The following LRRC19 variants were observed in gnomAD, a reference collection of about 807,000 sequenced individuals.
LRRC19 encodes leucine-rich repeat-containing protein 19.
In LRRC19, 33 loss-of-function variants were observed where a neutral mutation model predicts 33.3. The observed-to-expected ratio is 0.99, with a 90% CI of 0.75 to 1.33. LRRC19 has a LOEUF of 1.33. LRRC19 is among the 40% of genes most tolerant of loss of function. The probability of loss-of-function intolerance (pLI) is 0.00; values close to 1 mark genes in which losing one functional copy is unlikely to be tolerated. For missense variants in LRRC19, 463 were observed against 417.3 expected (o/e 1.11, Z -0.95); for synonymous variants, 184 against 152.3 (o/e 1.21, Z -1.53).
Position 26,998,112 on chromosome 9 carries a change from T to A in LRRC19, c.211A>T (p.Thr71Ser). 9 of 1,613,146 alleles carry A rather than the reference T, an allele frequency of 5.6e-6. No homozygotes were observed. Among genetic ancestry groups the A allele is most frequent in the Non-Finnish European group, 7.6e-6 (9 of 1,179,374 alleles). Reference protein sequence around the residue: ...LNGTDTRVLQTYFLLTELYLI... With the variant: ...LNGTDTRVLQSYFLLTELYLI... ...TAGAGCTCTGTGAGTAAAAAGTATG[T>A]CTGTAGAACTCTTGTGTCTGTACCA... Residue 71 changes from threonine (T) to serine (S), a missense_variant, in exon 3 of 5, where the codon ACA (threonine) becomes TCA (serine). Coordinates refer to ENST00000380055, the MANE Select transcript of LRRC19 (RefSeq NM_022901.3).
chr9:26,996,273 A>G (rs2131568102), intron 4 of LRRC19, 38 bp downstream of exon 4: 1 of 1,155,020 alleles, frequency 8.7e-7, no homozygotes, highest in Non-Finnish European at 1.2e-6. Context: ...TTAGTATGAT[A>G]CATTCAGCAG....
intron 1 of LRRC19, among the ~76,000 whole-genome samples, chr9:27,000,441 C>A (rs1211398749): frequency 1.3e-5 from 2 of 152,100 alleles, no homozygotes; most frequent in East Asian, 1.9e-4. Context: ...TTATTCTTGA[C>A]TTAAAACTGT....
chr9:26,996,447 A>G lies in LRRC19; in HGVS notation c.648T>C (p.Asn216=). Residue 216 remains asparagine, a synonymous_variant, in exon 4 of 5, where the codon AAT becomes AAC. Coordinates refer to ENST00000380055, the MANE Select transcript of LRRC19 (RefSeq NM_022901.3). ...CAGCCTTATGAGGTACTGTTTTGATATTGTAGCTCTGCAGGCTGTTGGGGT... is the reference window on the plus strand; with the variant it reads ...CAGCCTTATGAGGTACTGTTTTGATGTTGTAGCTCTGCAGGCTGTTGGGGT... ...CSYPNSLQSY[N]IKTVPHKAEC... 6.4e-7 allele frequency: 1 copy of G among 1,568,184 alleles called. No individual in the cohort carries two copies. The highest frequency in any genetic ancestry group is 8.7e-7 in the Non-Finnish European group (1 of 1,152,682).
intron 1 of LRRC19, among the ~76,000 whole-genome samples, chr9:27,005,113 A>G (rs2131591714): frequency 6.6e-6 from 1 of 152,214 alleles, no homozygotes; most frequent in East Asian, 1.9e-4. Context: ...TTGTTTCCTT[A>G]TTTAACTATT....
Position 26,999,770 on chromosome 9 carries a change from C to CTTT in LRRC19, c.-9-70_-9-68dup, listed in dbSNP as rs1179000269. The CTTT allele has an allele frequency of 1.7e-3, 567 of 339,892 alleles. 2 individuals are homozygous for CTTT. The highest frequency in any genetic ancestry group is 4.9e-3 in the African/African-American group (141 of 28,886). 21.1% of individuals were successfully genotyped at this position (339,892 alleles called of 1,614,324 possible). On this transcript the variant is annotated intron_variant, in intron 1 of 4. Transcript: ENST00000380055. ...TTTCCCTCTTTTGAATCTGTTTATT[C>CTTT]TTTTTTTTTTTTTTTTTTTTTGGCT...
At position 26,993,437 on chromosome 9, in the gene LRRC19, A is replaced by G. The variant is rs978982629; in HGVS notation, c.*2084T>C. On this transcript the variant is annotated 3_prime_UTR_variant, in exon 5 of 5. Transcript: ENST00000380055. The stretch of plus-strand genomic sequence containing the variant: ...TAATATACTTATATCCTTTGTTGAA[A>G]ACATGTGTCTGTAAACACAAGCAAA... 1 of 152,564 alleles carries G rather than the reference A, an allele frequency of 6.6e-6. No individual in the cohort carries two copies. The highest frequency in any genetic ancestry group is 1.5e-5 in the Non-Finnish European group (1 of 68,012). 9.5% of individuals were successfully genotyped at this position (152,564 alleles called of 1,614,324 possible).
In LRRC19 at chr9:26,997,956, G is replaced by C. The variant is rs944683606; in HGVS notation, c.367C>G (p.Leu123Val). Residue 123 changes from leucine (L) to valine (V), a missense_variant, in exon 3 of 5, where the codon CTA becomes GTA. Transcript: ENST00000380055. Reference sequence around the variant, plus strand: ...TTTTGGCAGAGATATAACTGTTTTAGTTTATTTAAGCCTAAAAATGCACCC... The same window carrying C: ...TTTTGGCAGAGATATAACTGTTTTACTTTATTTAAGCCTAAAAATGCACCC... ...QQGAFLGLNK[L>V]KQLYLCQNKI... 9 of 1,613,822 alleles carry C rather than the reference G, an allele frequency of 5.6e-6. No homozygotes were observed. The highest frequency in any genetic ancestry group is 6.8e-6 in the Non-Finnish European group (8 of 1,179,922).
Position 26,993,639 on chromosome 9 carries a change from A to G in LRRC19, c.*1882T>C, listed in dbSNP as rs979497483. 9.8e-5 allele frequency: 15 copies of G among 152,322 alleles called. No homozygotes were observed. Among genetic ancestry groups the G allele is most frequent in the Admixed American group, 2.6e-4 (4 of 15,278 alleles). 9.4% of individuals were successfully genotyped at this position (152,322 alleles called of 1,614,324 possible). A position where few individuals can be genotyped will look rare whatever the true frequency, so the allele number is the denominator to read the frequency against. ...GCCTCTTTTTTCTAAGGAATTGTCA[A>G]GTACATACAAATTTTTAAAACTTTA... On this transcript the variant is annotated 3_prime_UTR_variant, in exon 5 of 5. Transcript: ENST00000380055.
rs749932382 is a variant in LRRC19, at chr9:26,997,966, G to A, written c.357C>T (p.Gly119=). ...IYVIQQGAFL[G]LNKLKQLYLC... is the part of the protein sequence containing the mutation. ...GATATAACTGTTTTAGTTTATTTAA[G>A]CCTAAAAATGCACCCTGTTGAATTA... The change falls in exon 3 of 5, where the codon GGC becomes GGT. Residue 119 remains glycine, a synonymous_variant. Transcript: ENST00000380055. The A allele has an allele frequency of 6.2e-7, 1 of 1,613,808 alleles. No individual in the cohort carries two copies. Among genetic ancestry groups the A allele is most frequent in the South Asian group, 1.1e-5 (1 of 91,044 alleles).
At chr9:27,003,271 C>G (rs746880146) in intron 1 of LRRC19, among the ~76,000 whole-genome samples, 4 of 151,868 alleles carry the variant, frequency 2.6e-5, no homozygotes, top group Non-Finnish European at 5.9e-5. Flanking sequence ...GCCTGTAATC[C>G]CAGCACTTTG....
At position 26,995,260 on chromosome 9, in the gene LRRC19, G is replaced by A. The variant is rs528969949; in HGVS notation, c.*261C>T. On this transcript the variant is annotated 3_prime_UTR_variant, in exon 5 of 5. Transcript: ENST00000380055. ...ATAATTTAGACCTTTTTACTAGTTC[G>A]TATGGTCACCCAAGCACTGCTAAGA... 3.9e-5 allele frequency: 10 copies of A among 257,858 alleles called. No individual in the cohort carries two copies. The highest frequency in any genetic ancestry group is 1.0e-4 in the South Asian group (1 of 9,958). 16.0% of individuals were successfully genotyped at this position (257,858 alleles called of 1,614,324 possible).
intron 1 of LRRC19, among the ~76,000 whole-genome samples, chr9:27,002,396 C>G (rs187001541): frequency 5.9e-5 from 9 of 152,284 alleles, no homozygotes; most frequent in Admixed American, 4.6e-4. Context: ...AGTCAGCCCT[C>G]CAGTGTTTTC....
chr9:26,995,079 G>A lies in LRRC19; in HGVS notation c.*442C>T, dbSNP rs1828071407. 1 of 152,630 alleles carries A rather than the reference G, an allele frequency of 6.6e-6. No individual in the cohort carries two copies. Among genetic ancestry groups the A allele is most frequent in the South Asian group, 2.1e-4 (1 of 4,842 alleles). 9.5% of individuals were successfully genotyped at this position (152,630 alleles called of 1,614,324 possible). On this transcript the variant is annotated 3_prime_UTR_variant, in exon 5 of 5. Transcript: ENST00000380055. ...CTGGGAGCATAAAATCAATCTTAGTGTATTATTTAAGCTATCTCTGTTCCT... is the reference window on the plus strand; with the variant it reads ...CTGGGAGCATAAAATCAATCTTAGTATATTATTTAAGCTATCTCTGTTCCT...
In LRRC19 at chr9:26,997,736, A is replaced by G. The variant is rs1828241278; in HGVS notation, c.587T>C (p.Val196Ala). ...NLQNWLNTSN[V>A]TLENENITMC... is the part of the protein sequence containing the mutation. ...TAATTATGATAGCTTACCTAATGTCACATTTGATGTGTTCAACCAGTTCTG... is the reference window on the plus strand; with the variant it reads ...TAATTATGATAGCTTACCTAATGTCGCATTTGATGTGTTCAACCAGTTCTG... Residue 196 changes from valine to alanine, a missense_variant, in exon 3 of 5, where the codon GTG becomes GCG. By Grantham distance (64) the Val-to-Ala change is moderately conservative (BLOSUM62 0). Coordinates refer to ENST00000380055, the MANE Select transcript of LRRC19 (RefSeq NM_022901.3). The G allele has an allele frequency of 2.5e-6, 4 of 1,590,688 alleles. No individual in the cohort carries two copies. The African/African-American group carries it at 4.1e-5, about 16-fold the overall frequency.
At chr9:26,999,545 A>G in intron 2 of LRRC19, 69 bp downstream of exon 2, 2 of 1,210,360 alleles carry the variant, frequency 1.7e-6, no homozygotes, top group South Asian at 1.4e-5. Flanking sequence ...TTGCCCTTTT[A>G]TATTTTACTA....
chr9:27,002,776 C>A (rs939441684), intron 1 of LRRC19, among the ~76,000 whole-genome samples: 5 of 152,038 alleles, frequency 3.3e-5, no homozygotes, highest in Admixed American at 3.3e-4. Context: ...TATTTGGGAT[C>A]TTTTATGGTT....
chr9:27,005,188 A>G (rs566798933), intron 1 of LRRC19, among the ~76,000 whole-genome samples: 1 of 152,148 alleles, frequency 6.6e-6, no homozygotes, highest in Non-Finnish European at 1.5e-5. Context: ...AAACCTAAGT[A>G]AGAAGAATAG....
chr9:26,995,659 G>T lies in LRRC19; in HGVS notation c.975C>A (p.Ser325Arg), dbSNP rs778861881. ...TTGTTTCTGGTATCTGTGAAAGAGA[G>T]CTTGGATTTCCAGTAAAACCATCTT... is the stretch of plus-strand genomic sequence containing the variant. ...TYEDGFTGNP[S>R]SLSQIPETNS... The change falls in exon 5 of 5, where the codon AGC (serine) becomes AGA (arginine). Residue 325 changes from serine (S) to arginine (R), a missense_variant. By Grantham distance (110) the Ser-to-Arg change is moderately radical. Transcript: ENST00000380055. The T allele has an allele frequency of 3.1e-6, 5 of 1,613,846 alleles. No individual in the cohort carries two copies. The East Asian group carries it at 1.1e-4, about 36-fold the overall frequency.
intron 3 of LRRC19, 72 bp downstream of exon 3, chr9:26,997,656 A>G: frequency 1.3e-5 from 19 of 1,472,648 alleles, no homozygotes; most frequent in South Asian, 5.5e-5. Flanking sequence ...TTAAAACGTG[A>G]TATGAGAGAT....
Sources: gnomAD v4.1 joint callset for allele counts (sites outside exome capture counted in the v4.1 genomes callset) on GRCh38, gnomAD v4.1.1 for gene constraint, MANE v1.5 for transcripts, NCBI Gene and HGNC (gene_info 2026-07-23, HGNC 2026-07-21) for gene names.